MSR1: variants seen among roughly 807,000 people sequenced by gnomAD.
MSR1 encodes macrophage scavenger receptor types I and II.
Under a neutral mutation model 47.2 loss-of-function variants are expected in MSR1, and 53 were observed. That is an observed-to-expected ratio of 1.12 (90% CI 0.90 to 1.41). The LOEUF is 1.41. Ranked by LOEUF, MSR1 falls within the 40% of genes most tolerant of loss-of-function variation. The probability of loss-of-function intolerance (pLI) is 0.00; values close to 1 mark genes in which losing one functional copy is unlikely to be tolerated. For synonymous variants in MSR1, 239 were observed against 185.6 expected (o/e 1.29, Z -2.34); for missense variants, 786 against 546.9 (o/e 1.44, Z -4.36).
intron 8 of MSR1, among the ~76,000 whole-genome samples, chr8:16,129,768 T>C (rs532731827): frequency 1.4e-5 from 1 of 69,010 alleles, no homozygotes; most frequent in African/African-American, 2.8e-5. Context: ...TAAAAAAGAT[T>C]TACATCTTAA....
At chr8:16,120,274 G>C in intron 9 of MSR1, 144 bp downstream of exon 9, 1 of 832,186 alleles carries the variant, frequency 1.2e-6, no homozygotes, top group Middle Eastern at 2.4e-4. Flanking sequence ...CTACTAGGCA[G>C]GCTAAGGGAG....
rs755180794 is a variant in MSR1, at chr8:16,155,086, T to G, written c.876A>C (p.Pro292=). ...GDRGPTGESG[P]RGFPGPIGPP... Reference sequence around the variant, plus strand: ...TACCTATTGGACCTGGAAATCCTCGTGGACCACTTTCTCCAGTGGGACCTC... The same window carrying G: ...TACCTATTGGACCTGGAAATCCTCGGGGACCACTTTCTCCAGTGGGACCTC... Residue 292 remains proline (P), a synonymous_variant, in exon 6 of 10, where the codon CCA becomes CCC. Transcript: ENST00000262101. 1.7e-5 allele frequency: 27 copies of G among 1,612,102 alleles called. No individual in the cohort carries two copies. The highest frequency in any genetic ancestry group is 5.3e-5 in the African/African-American group (4 of 74,826).
At chr8:16,123,140 C>T (rs1165113594) in intron 8 of MSR1, among the ~76,000 whole-genome samples, 1 of 152,050 alleles carries the variant, frequency 6.6e-6, no homozygotes, top group Admixed American at 6.6e-5. Flanking sequence ...CCACGGCACC[C>T]GGCCCTCTAT....
At chr8:16,153,964 T>A (rs935156409) in intron 6 of MSR1, among the ~76,000 whole-genome samples, 9 of 152,016 alleles carry the variant, frequency 5.9e-5, no homozygotes, top group Non-Finnish European at 1.0e-4. Flanking sequence ...ACCACCTGAC[T>A]TGGCATATTA....
intron 1 of MSR1, among the ~76,000 whole-genome samples, chr8:16,185,923 G>T (rs879310573): frequency 4.7e-5 from 7 of 150,514 alleles, no homozygotes; most frequent in Non-Finnish European, 1.0e-4. Flanking sequence ...AGAAGACTCA[G>T]CACAAAAGAC....
chr8:16,171,160 G>A (rs530315380), intron 3 of MSR1, among the ~76,000 whole-genome samples: 150 of 148,280 alleles, frequency 1.0e-3, no homozygotes, highest in Non-Finnish European at 1.7e-3. Flanking sequence ...GGAGGCGGAG[G>A]TTGCAGTGTG....
At position 16,143,577 on chromosome 8, in the gene MSR1, C is replaced by T. The variant is rs13306540; in HGVS notation, c.1014G>A (p.Lys338=). 7.6e-4 allele frequency: 1,227 copies of T among 1,612,510 alleles called. 14 individuals are homozygous for T. The East Asian group carries it at 0.022, about 28-fold the overall frequency. Reference sequence around the variant, plus strand: ...ACTTACTTAATGTGTTTCCACTCCCCTTTTCCCCTTTCTGGCCTTTTGGTC... The same window carrying T: ...ACTTACTTAATGTGTTTCCACTCCCTTTTTCCCCTTTCTGGCCTTTTGGTC... ...NSGPKGQKGE[K]GSGNTLTPFT... The change falls in exon 8 of 10, where the codon AAG becomes AAA. Residue 338 remains lysine, a synonymous_variant. Coordinates refer to ENST00000262101, the MANE Select transcript of MSR1 (RefSeq NM_138715.3).
At chr8:16,110,352 C>T (rs1287588231) in intron 9 of MSR1, 134 bp from the exon 10 acceptor site, 1 of 972,648 alleles carries the variant, frequency 1.0e-6, no homozygotes, top group Admixed American at 2.0e-5. Flanking sequence ...GTTCTGTGCT[C>T]TCTAGTAGGA....
At chr8:16,122,843 C>CTT (rs35560221) in intron 8 of MSR1, among the ~76,000 whole-genome samples, 852 of 65,574 alleles carry the variant, frequency 0.013, 26 homozygotes, top group African/African-American at 0.039. Flanking sequence ...TATTCAAATT[C>CTT]TTTTTTTTTT....
At chr8:16,137,265 A>C (rs978079060) in intron 8 of MSR1, among the ~76,000 whole-genome samples, 1 of 152,116 alleles carries the variant, frequency 6.6e-6, no homozygotes, top group Non-Finnish European at 1.5e-5. Flanking sequence ...TAGAGGCAAT[A>C]GCTGGAGTAG....
intron 8 of MSR1, among the ~76,000 whole-genome samples, chr8:16,122,324 C>G (rs529999359): frequency 3.9e-5 from 6 of 152,138 alleles, no homozygotes; most frequent in African/African-American, 1.4e-4. Context: ...TTGTGAGAAG[C>G]CTTTACATAT....
At chr8:16,141,209 C>T in intron 8 of MSR1, 1 of 722,790 alleles carries the variant, frequency 1.4e-6, no homozygotes, top group Admixed American at 2.8e-5. Context: ...TAAATTGGTA[C>T]AAGCTTTTAG....
intron 4 of MSR1, among the ~76,000 whole-genome samples, chr8:16,164,870 C>G (rs190399687): frequency 6.6e-6 from 1 of 151,866 alleles, no homozygotes. Context: ...CATTCATATA[C>G]TTAAGAGTGT....
At chr8:16,118,245 G>A (rs1799921899) in intron 9 of MSR1, among the ~76,000 whole-genome samples, 1 of 152,110 alleles carries the variant, frequency 6.6e-6, no homozygotes, top group Admixed American at 6.5e-5. Context: ...TTCTAAAGCT[G>A]AAGAATCATC....
intron 1 of MSR1, among the ~76,000 whole-genome samples, chr8:16,178,360 GT>G (rs1195138307): frequency 6.6e-6 from 1 of 151,508 alleles, no homozygotes; most frequent in East Asian, 1.9e-4. Context: ...CGGTGTTTGG[GT>G]TTTTGTCCTT....
chr8:16,186,436 C>G (rs420931), intron 1 of MSR1, among the ~76,000 whole-genome samples: 20,536 of 152,112 alleles, frequency 0.14, 1,794 homozygotes, highest in African/African-American at 0.23. Context: ...TATGCACTGC[C>G]TAACAACACC....
At chr8:16,149,151 A>C (rs757833020) in intron 7 of MSR1, among the ~76,000 whole-genome samples, 1 of 152,120 alleles carries the variant, frequency 6.6e-6, no homozygotes, top group Non-Finnish European at 1.5e-5. Context: ...TGTACAACAG[A>C]AAGAGTGGCC....
chr8:16,165,505 G>A (rs529337986), intron 4 of MSR1, among the ~76,000 whole-genome samples: 2 of 151,988 alleles, frequency 1.3e-5, no homozygotes, highest in East Asian at 1.9e-4. Context: ...ATCTATTCTG[G>A]TAATAATTTT....
intron 8 of MSR1, among the ~76,000 whole-genome samples, chr8:16,130,983 C>T (rs77761298): frequency 0.028 from 4,255 of 151,960 alleles, 200 homozygotes; most frequent in African/African-American, 0.097. Context: ...TTGTATTCTT[C>T]GGGTATATAC....
Sources: gnomAD v4.1 joint callset for allele counts (sites outside exome capture counted in the v4.1 genomes callset) on GRCh38, gnomAD v4.1.1 for gene constraint, MANE v1.5 for transcripts, NCBI Gene and HGNC (gene_info 2026-07-23, HGNC 2026-07-21) for gene names.